Variants in GFRA1 observed in about 807,000 individuals in gnomAD.
GFRA1 encodes the protein GDNF family receptor alpha-1.
Under a neutral mutation model 51.6 loss-of-function variants are expected in GFRA1, and 16 were observed. That is an observed-to-expected ratio of 0.31 (90% CI 0.21 to 0.47). The LOEUF (loss-of-function observed/expected upper bound fraction) is 0.47. Among genes scored for constraint, GFRA1 ranks in the 20% least tolerant of loss-of-function variants. The pLI is 1.00. For missense variants in GFRA1, 530 were observed against 594.3 expected, an observed-to-expected ratio of 0.89 and a Z score of 1.13; for synonymous variants, 270 against 241.3, an observed-to-expected ratio of 1.12 and a Z score of -1.10.
chr10:116,246,151 T>C (rs1203585500), intron 4 of GFRA1, among the ~76,000 whole-genome samples: 3 of 152,148 alleles, frequency 2.0e-5, no homozygotes, highest in Non-Finnish European at 4.4e-5. Context: ...ATGTTAATAA[T>C]AGGAGGAACT....
At chr10:116,163,642 G>A (rs1342404422) in intron 5 of GFRA1, among the ~76,000 whole-genome samples, 7 of 152,220 alleles carry the variant, frequency 4.6e-5, no homozygotes, top group Admixed American at 4.6e-4. Context: ...GGGGTGGCCT[G>A]CAGCAGGCCC....
chr10:116,182,283 A>T (rs1459245722), intron 5 of GFRA1, among the ~76,000 whole-genome samples: 1 of 152,254 alleles, frequency 6.6e-6, no homozygotes. Context: ...AATAGTAATT[A>T]ATACAGCAAC....
At chr10:116,096,493 C>CT (rs34231642) in intron 7 of GFRA1, among the ~76,000 whole-genome samples, 162 bp downstream of exon 7, 84,035 of 149,738 alleles carry the variant, frequency 0.56, 25,610 homozygotes, top group Non-Finnish European at 0.69. Flanking sequence ...TTTTTTTTTT[C>CT]TTTTTTTTTA....
chr10:116,178,691 C>T (rs576065289), intron 5 of GFRA1, among the ~76,000 whole-genome samples: 4 of 152,270 alleles, frequency 2.6e-5, no homozygotes, highest in African/African-American at 4.8e-5. Context: ...TCGCCAGCAT[C>T]GGCAAATACA....
chr10:116,213,973 C>G (rs753498620), intron 4 of GFRA1, among the ~76,000 whole-genome samples: 9 of 152,194 alleles, frequency 5.9e-5, no homozygotes, highest in Non-Finnish European at 1.3e-4. Flanking sequence ...TGACTCTGCT[C>G]TAATTGATAC....
intron 4 of GFRA1, among the ~76,000 whole-genome samples, chr10:116,262,231 CCTT>C (rs1969350187): frequency 6.6e-6 from 1 of 152,144 alleles, no homozygotes; most frequent in South Asian, 2.1e-4. Flanking sequence ...GTTTTATCTC[CCTT>C]CTTCTGTTAA....
At chr10:116,182,868 G>C (rs7901535) in intron 5 of GFRA1, among the ~76,000 whole-genome samples, 1 of 152,178 alleles carries the variant, frequency 6.6e-6, no homozygotes, top group Non-Finnish European at 1.5e-5. Context: ...TCAAGTATCA[G>C]CCAGAGCTGA....
At chr10:116,204,775 A>C (rs1201962584) in intron 5 of GFRA1, among the ~76,000 whole-genome samples, 5 of 152,230 alleles carry the variant, frequency 3.3e-5, no homozygotes, top group African/African-American at 4.8e-5. Flanking sequence ...TTATTGAATA[A>C]ATACATACAT....
chr10:116,236,172 T>C (rs1966871504), intron 4 of GFRA1, among the ~76,000 whole-genome samples: 1 of 152,092 alleles, frequency 6.6e-6, no homozygotes, highest in African/African-American at 2.4e-5. Context: ...GGACAACCCC[T>C]AGTGCCCTCT....
intron 5 of GFRA1, among the ~76,000 whole-genome samples, chr10:116,143,004 G>C (rs915098746): frequency 6.6e-6 from 1 of 152,148 alleles, no homozygotes; most frequent in Non-Finnish European, 1.5e-5. Context: ...TTCCCACTCT[G>C]ACGGGCCAGT....
chr10:116,064,081 T>TCATCATCATGATCATGATGAA lies in GFRA1; in HGVS notation c.*316_*317insTTCATCATGATCATGATGATG. 5.4e-6 allele frequency: 1 copy of TCATCATCATGATCATGATGAA among 185,434 alleles called. No individual in the cohort carries two copies. The allele number at this position is 185,434 out of a possible 1,614,324, so 11.5% of individuals were successfully genotyped here. A position where few individuals can be genotyped will look rare whatever the true frequency, so the allele number is the denominator to read the frequency against. On this transcript the variant is annotated 3_prime_UTR_variant, in exon 11 of 11. Coordinates refer to ENST00000355422, the MANE Select transcript of GFRA1 (RefSeq NM_005264.8). ...ATGATCATCATCATGATCATGATGA[T>TCATCATCATGATCATGATGAA]CATCATCATGATCATCATCATCATC...
At position 116,057,109 on chromosome 10, in the gene GFRA1, T is replaced by C. The variant is rs747106111; in HGVS notation, c.*7289A>G. Reference sequence around the variant, plus strand: ...TACAGGAGATGTTCTTCCAAGGGTGTTGGCAATAAAGGCTGTTGCAAAACA... The same window carrying C: ...TACAGGAGATGTTCTTCCAAGGGTGCTGGCAATAAAGGCTGTTGCAAAACA... On this transcript the variant is annotated 3_prime_UTR_variant, in exon 11 of 11. Transcript: ENST00000355422. 1.3e-5 allele frequency: 2 copies of C among 152,152 alleles called. No homozygotes were observed. The highest frequency in any genetic ancestry group is 1.5e-5 in the Non-Finnish European group (1 of 68,034). 9.4% of individuals were successfully genotyped at this position (152,152 alleles called of 1,614,324 possible). A position where few individuals can be genotyped will look rare whatever the true frequency, so the allele number is the denominator to read the frequency against.
intron 5 of GFRA1, among the ~76,000 whole-genome samples, chr10:116,150,952 C>T (rs1256030984): frequency 1.3e-5 from 2 of 151,760 alleles, no homozygotes; most frequent in Non-Finnish European, 2.9e-5. Flanking sequence ...TTTGCTTCAG[C>T]CTCAAAGAGC....
At chr10:116,116,127 G>A (rs1238625957) in intron 6 of GFRA1, among the ~76,000 whole-genome samples, 5 of 151,990 alleles carry the variant, frequency 3.3e-5, no homozygotes, top group African/African-American at 4.8e-5. Context: ...TGAGTTTCAC[G>A]CTTGTTGCCC....
intron 5 of GFRA1, among the ~76,000 whole-genome samples, chr10:116,201,867 CAG>C (rs1445524378): frequency 6.6e-6 from 1 of 152,078 alleles, no homozygotes; most frequent in African/African-American, 2.4e-5. Context: ...GGCAACAAAA[CAG>C]AGAAAGATTT....
intron 4 of GFRA1, among the ~76,000 whole-genome samples, chr10:116,257,230 C>T (rs1383650184): frequency 6.6e-6 from 1 of 152,180 alleles, no homozygotes; most frequent in African/African-American, 2.4e-5. Flanking sequence ...GACCCAGCTT[C>T]CTGGGTTGAT....
intron 4 of GFRA1, among the ~76,000 whole-genome samples, chr10:116,237,590 A>G (rs2134608854): frequency 6.6e-6 from 1 of 150,888 alleles, no homozygotes; most frequent in African/African-American, 2.4e-5. Context: ...AAAAAAAAAA[A>G]AAGCAAGAAG....
chr10:116,184,413 C>T (rs924096746), intron 5 of GFRA1, among the ~76,000 whole-genome samples: 1 of 152,154 alleles, frequency 6.6e-6, no homozygotes, highest in Admixed American at 6.5e-5. Flanking sequence ...CATCAGTGTC[C>T]CATTCCCAGA....
intron 5 of GFRA1, among the ~76,000 whole-genome samples, chr10:116,146,091 T>C (rs1958788488): frequency 6.6e-6 from 1 of 152,068 alleles, no homozygotes; most frequent in African/African-American, 2.4e-5. Flanking sequence ...TATATATTTA[T>C]ACACATATGT....
Sources: allele counts gnomAD v4.1 joint callset (sites outside exome capture counted in the v4.1 genomes callset), GRCh38; gene constraint gnomAD v4.1.1; transcripts MANE v1.5; gene names NCBI Gene and HGNC (gene_info 2026-07-23, HGNC 2026-07-21).